The following PEAK1 variants were observed in gnomAD, a reference collection of about 807,000 sequenced individuals.
The protein encoded by PEAK1 is pseudopodium enriched atypical kinase 1.
PEAK1 carries 54 observed loss-of-function variants against 124.7 expected under a neutral mutation model. That is an observed-to-expected ratio of 0.43 (90% CI 0.35 to 0.54). PEAK1 has a LOEUF of 0.54. PEAK1 is among the 20% of genes least tolerant of loss of function. The probability of loss-of-function intolerance (pLI) is 0.01; values close to 1 mark genes in which losing one functional copy is unlikely to be tolerated. For missense variants in PEAK1, 2,046 were observed against 2,134.5 expected (o/e 0.96, Z 0.82); for synonymous variants, 719 against 760.0 (o/e 0.95, Z 0.89).
intron 2 of PEAK1, among the ~76,000 whole-genome samples, chr15:77,315,071 T>A (rs1567247397): frequency 6.6e-6 from 1 of 152,128 alleles, no homozygotes; most frequent in Non-Finnish European, 1.5e-5. Flanking sequence ...ATAATTTTTT[T>A]AAAAAAGAAA....
intron 2 of PEAK1, among the ~76,000 whole-genome samples, chr15:77,359,069 T>C (rs1469101014): frequency 1.3e-5 from 2 of 152,180 alleles, no homozygotes; most frequent in African/African-American, 4.8e-5. Flanking sequence ...AACCTGATAA[T>C]GGGCAGTTAT....
At position 77,179,559 on chromosome 15, in the gene PEAK1, C is replaced by A; in HGVS notation, c.2368G>T (p.Ala790Ser). ...PPETPQSGPK[A>S]CSVEELYAIP... Reference sequence around the variant, plus strand: ...GCATAAAGCTCTTCCACACTGCAAGCTTTAGGGCCAGATTGAGGTGTTTCT... The same window carrying A: ...GCATAAAGCTCTTCCACACTGCAAGATTTAGGGCCAGATTGAGGTGTTTCT... The change falls in exon 7 of 10, where the codon GCT (alanine) becomes TCT (serine). Residue 790 changes from alanine to serine, a missense_variant. By Grantham distance (99) the Ala-to-Ser change is moderately conservative. Transcript: ENST00000682557. The A allele has an allele frequency of 6.2e-7, 1 of 1,614,102 alleles. No individual in the cohort carries two copies.
At chr15:77,371,057 A>G in intron 1 of PEAK1, 2 of 931,628 alleles carry the variant, frequency 2.1e-6, no homozygotes, top group Non-Finnish European at 2.6e-6. Flanking sequence ...AAAGAAAGAA[A>G]GAAAAATCCA....
Position 77,179,440 on chromosome 15 carries a change from A to G in PEAK1, c.2487T>C (p.Ala829=). Residue 829 remains alanine, a synonymous_variant, in exon 7 of 10, where the codon GCT becomes GCC. Coordinates refer to ENST00000682557, the MANE Select transcript of PEAK1 (RefSeq NM_001385026.1). ...SLFTSQPSGE[A]EAPQTTDSPT... ...GACTGTCTGTGGTCTGAGGTGCTTCAGCCTCACCACTAGGCTGAGATGTAA... is the reference window on the plus strand; with the variant it reads ...GACTGTCTGTGGTCTGAGGTGCTTCGGCCTCACCACTAGGCTGAGATGTAA... The G allele has an allele frequency of 6.2e-7, 1 of 1,614,108 alleles. No homozygotes were observed. The highest frequency in any genetic ancestry group is 8.5e-7 in the Non-Finnish European group (1 of 1,180,008).
intron 5 of PEAK1, among the ~76,000 whole-genome samples, chr15:77,277,366 T>TA (rs1389610892): frequency 6.6e-6 from 1 of 152,130 alleles, no homozygotes; most frequent in Non-Finnish European, 1.5e-5. Context: ...ATCATTGGGT[T>TA]AAGGAATTCT....
chr15:77,417,548 A>G (rs541906907), intron 1 of PEAK1: 27 of 985,334 alleles, frequency 2.7e-5, no homozygotes, highest in East Asian at 2.3e-4. Flanking sequence ...TGCCTCTTAC[A>G]CTGAAAACAG....
intron 6 of PEAK1, among the ~76,000 whole-genome samples, chr15:77,226,046 T>TATATATA (rs1376462526): frequency 0.1 from 2,909 of 28,598 alleles, 167 homozygotes; most frequent in Non-Finnish European, 0.12. Flanking sequence ...AATAAAGGGA[T>TATATATA]ATATATATAT....
At chr15:77,170,218 G>T (rs2056412868) in intron 7 of PEAK1, among the ~76,000 whole-genome samples, 2 of 152,006 alleles carry the variant, frequency 1.3e-5, no homozygotes, top group African/African-American at 4.8e-5. Flanking sequence ...TGGTTTTGTG[G>T]TAAACGGTGG....
chr15:77,323,167 G>A (rs1488392115), intron 2 of PEAK1, among the ~76,000 whole-genome samples: 11 of 152,292 alleles, frequency 7.2e-5, no homozygotes, highest in African/African-American at 2.4e-4. Context: ...CAAACCCACA[G>A]CCAACATCAT....
intron 2 of PEAK1, among the ~76,000 whole-genome samples, chr15:77,320,418 T>C (rs911334943): frequency 2.0e-5 from 3 of 152,212 alleles, no homozygotes; most frequent in African/African-American, 4.8e-5. Flanking sequence ...GAAAAGTTTA[T>C]TAAAACATTG....
chr15:77,241,758 G>A (rs115044235), intron 6 of PEAK1, among the ~76,000 whole-genome samples: 147 of 151,866 alleles, frequency 9.7e-4, no homozygotes, highest in African/African-American at 3.1e-3. Flanking sequence ...AAATCCTTGG[G>A]TATAAATCTA....
intron 2 of PEAK1, among the ~76,000 whole-genome samples, chr15:77,318,899 A>C (rs552792494): frequency 6.6e-6 from 1 of 152,074 alleles, no homozygotes; most frequent in Non-Finnish European, 1.5e-5. Context: ...AGTCGGAGTT[A>C]GTATTTGCTT....
intron 2 of PEAK1, among the ~76,000 whole-genome samples, chr15:77,364,260 A>G (rs2068080978): frequency 6.6e-6 from 1 of 152,172 alleles, no homozygotes; most frequent in South Asian, 2.1e-4. Flanking sequence ...ACATCTCTGT[A>G]AATATAATAA....
rs895789712 is a variant in PEAK1, at chr15:77,111,942, T to G, written c.*2214A>C. On this transcript the variant is annotated 3_prime_UTR_variant, in exon 10 of 10. Coordinates refer to ENST00000682557, the MANE Select transcript of PEAK1 (RefSeq NM_001385026.1). ...GTGCTGGCTGACATGGTCAGTGGTC[T>G]GTGTGCTGCCCTTCAGTGCATAATC... 6.6e-6 allele frequency: 1 copy of G among 152,302 alleles called. No individual in the cohort carries two copies. Among genetic ancestry groups the G allele is most frequent in the Non-Finnish European group, 1.5e-5 (1 of 68,084 alleles). 9.4% of individuals were successfully genotyped at this position (152,302 alleles called of 1,614,324 possible).
intron 6 of PEAK1, among the ~76,000 whole-genome samples, chr15:77,225,248 A>G (rs1464975113): frequency 2.0e-5 from 3 of 151,992 alleles, no homozygotes; most frequent in Admixed American, 2.0e-4. Context: ...GTATCACACT[A>G]CATTATTCCT....
intron 6 of PEAK1, among the ~76,000 whole-genome samples, chr15:77,199,650 G>A (rs771346670): frequency 2.0e-5 from 3 of 152,178 alleles, no homozygotes; most frequent in Non-Finnish European, 4.4e-5. Context: ...CAGAGACTGC[G>A]GATATGGCAA....
At chr15:77,334,199 A>G in intron 2 of PEAK1, 1 of 982,240 alleles carries the variant, frequency 1.0e-6, no homozygotes. Flanking sequence ...TACTGACTTC[A>G]GTACATTTAG....
At chr15:77,228,449 T>A (rs2059771385) in intron 6 of PEAK1, among the ~76,000 whole-genome samples, 1 of 152,180 alleles carries the variant, frequency 6.6e-6, no homozygotes, top group South Asian at 2.1e-4. Context: ...ATGCAGGACT[T>A]CATTTAATAA....
At chr15:77,274,645 A>G (rs1230258711) in intron 5 of PEAK1, among the ~76,000 whole-genome samples, 3 of 152,072 alleles carry the variant, frequency 2.0e-5, no homozygotes, top group Non-Finnish European at 4.4e-5. Flanking sequence ...AAAACTCATA[A>G]TCAAAAAATA....
Sources: allele counts gnomAD v4.1 joint callset (sites outside exome capture counted in the v4.1 genomes callset), GRCh38; gene constraint gnomAD v4.1.1; transcripts MANE v1.5; gene names NCBI Gene and HGNC (gene_info 2026-07-23, HGNC 2026-07-21).